Variants in HDAC9 observed in about 807,000 individuals in gnomAD.
HDAC9 encodes histone deacetylase 9, also known as MEF-2 interacting transcription repressor (MITR) protein.
HDAC9 carries 41 observed loss-of-function variants against 139.4 expected under a neutral mutation model. The observed-to-expected ratio is 0.29, with a 90% CI of 0.23 to 0.38. The LOEUF (loss-of-function observed/expected upper bound fraction) is 0.38, where lower values mean the gene tolerates loss of function less well. HDAC9 is among the 10% of genes least tolerant of loss of function. The pLI is 1.00. For synonymous variants in HDAC9, 517 were observed against 476.2 expected, an observed-to-expected ratio of 1.09 and a Z score of -1.12; for missense variants, 1,147 against 1,297.0, an observed-to-expected ratio of 0.88 and a Z score of 1.78.
intron 1 of HDAC9, among the ~76,000 whole-genome samples, chr7:18,138,512 T>TGA (rs796391642): frequency 1.4e-5 from 2 of 138,098 alleles, no homozygotes; most frequent in Admixed American, 7.2e-5. Context: ...GAAGCTGTAG[T>TGA]GAGAGAGAGA....
intron 2 of HDAC9, among the ~76,000 whole-genome samples, chr7:18,513,827 A>G (rs1021287844): frequency 3.9e-5 from 6 of 152,210 alleles, no homozygotes; most frequent in Non-Finnish European, 7.3e-5. Flanking sequence ...TCGCAAGACT[A>G]TGTCTTTCTT....
At chr7:18,137,108 C>T (rs1474634277) in intron 1 of HDAC9, among the ~76,000 whole-genome samples, 2 of 146,664 alleles carry the variant, frequency 1.4e-5, no homozygotes. Flanking sequence ...CTCTGTTTGT[C>T]TGTTATTGGT....
At chr7:18,160,046 A>G (rs757730727) in intron 1 of HDAC9, among the ~76,000 whole-genome samples, 3 of 152,202 alleles carry the variant, frequency 2.0e-5, no homozygotes, top group Non-Finnish European at 4.4e-5. Flanking sequence ...GTTTTTGTGG[A>G]AATAAGTGGG....
chr7:18,541,807 A>G (rs746018848), intron 2 of HDAC9, among the ~76,000 whole-genome samples: 6 of 152,236 alleles, frequency 3.9e-5, no homozygotes. Flanking sequence ...GGAATTTTAG[A>G]TAACAACATA....
chr7:18,918,388 G>A (rs1035819521), intron 22 of HDAC9, among the ~76,000 whole-genome samples: 1 of 152,002 alleles, frequency 6.6e-6, no homozygotes, highest in Non-Finnish European at 1.5e-5. Flanking sequence ...ACTAGGCCAG[G>A]TGAGAAGAGT....
intron 1 of HDAC9, among the ~76,000 whole-genome samples, chr7:18,461,455 G>A (rs1487447097): frequency 1.3e-5 from 2 of 152,014 alleles, no homozygotes; most frequent in Non-Finnish European, 2.9e-5. Flanking sequence ...AAAAGTTTTG[G>A]TCATATCCAA....
chr7:18,586,982 A>C (rs1419544731), intron 3 of HDAC9, among the ~76,000 whole-genome samples: 1 of 152,116 alleles, frequency 6.6e-6, no homozygotes, highest in Non-Finnish European at 1.5e-5. Context: ...TTAAGATGGC[A>C]AAGAGAAATG....
At chr7:18,761,392 G>A (rs544290573) in intron 14 of HDAC9, among the ~76,000 whole-genome samples, 11 of 152,316 alleles carry the variant, frequency 7.2e-5, no homozygotes, top group Admixed American at 2.0e-4. Context: ...TGATTAAACA[G>A]CAGGTTTTGT....
rs1409901149 is a variant in HDAC9, at chr7:19,002,106, A to T, written c.*6044A>T. ...TCTGTCATCCAGAGCTGCTGAGAAA[A>T]ATACATGTTGCCAAACTTTTCTTAA... On this transcript the variant is annotated 3_prime_UTR_variant, in exon 26 of 26. Coordinates refer to ENST00000686413, the MANE Select transcript of HDAC9 (RefSeq NM_178425.4). 1 of 152,104 alleles carries T rather than the reference A, an allele frequency of 6.6e-6. No homozygotes were observed. The highest frequency in any genetic ancestry group is 2.4e-5 in the African/African-American group (1 of 41,448). 9.4% of individuals were successfully genotyped at this position (152,104 alleles called of 1,614,324 possible).
chr7:18,441,303 T>C (rs1791733698), intron 1 of HDAC9, among the ~76,000 whole-genome samples: 1 of 152,224 alleles, frequency 6.6e-6, no homozygotes, highest in Non-Finnish European at 1.5e-5. Flanking sequence ...CATGTCAGCT[T>C]TTATTGTAAT....
intron 23 of HDAC9, among the ~76,000 whole-genome samples, chr7:18,937,926 G>A (rs551485824): frequency 6.6e-6 from 1 of 152,264 alleles, no homozygotes; most frequent in Admixed American, 6.5e-5. Flanking sequence ...CAATGAGGAT[G>A]GAGTGATCTC....
intron 22 of HDAC9, among the ~76,000 whole-genome samples, chr7:18,903,080 C>T (rs1801880864): frequency 2.0e-5 from 3 of 152,118 alleles, no homozygotes; most frequent in Admixed American, 2.0e-4. Context: ...AATTTGAAAA[C>T]AATTTTACAT....
chr7:18,197,571 TGA>T (rs1188783087), intron 2 of HDAC9, among the ~76,000 whole-genome samples: 2 of 152,058 alleles, frequency 1.3e-5, no homozygotes, highest in African/African-American at 4.8e-5. Flanking sequence ...CACAGGTGAA[TGA>T]GAGAGACAAG....
At chr7:18,602,035 T>C (rs1834097856) in intron 6 of HDAC9, among the ~76,000 whole-genome samples, 1 of 152,168 alleles carries the variant, frequency 6.6e-6, no homozygotes, top group African/African-American at 2.4e-5. Context: ...AGAGTATTGA[T>C]ACCATTTACA....
In HDAC9 at chr7:18,975,932, C is replaced by T. The variant is rs1261245056; in HGVS notation, c.3149C>T (p.Pro1050Leu). Residue 1050 changes from proline (P) to leucine (L), a missense_variant, in exon 25 of 26, where the codon CCC becomes CTC. Coordinates refer to ENST00000686413, the MANE Select transcript of HDAC9 (RefSeq NM_178425.4). ...TCCCTAACAGTGGATGTGGAACAGC[C>T]CTTTGCTCAGGAAGACAGCAGGTAT... ...LASLTVDVEQ[P>L]FAQEDSRTAG... The T allele has an allele frequency of 7.4e-6, 12 of 1,613,470 alleles. No individual in the cohort carries two copies. Among genetic ancestry groups the T allele is most frequent in the Non-Finnish European group, 1.0e-5 (12 of 1,179,760 alleles).
chr7:18,469,932 A>G (rs1188798324), intron 1 of HDAC9, among the ~76,000 whole-genome samples: 2 of 152,186 alleles, frequency 1.3e-5, no homozygotes, highest in African/African-American at 2.4e-5. Flanking sequence ...GCAGAGAGGA[A>G]TATAAGGAGC....
Position 18,125,705 on chromosome 7 carries a change from C to A in HDAC9, c.-96-36524C>A, listed in dbSNP as rs546331224. On this transcript the variant is annotated intron_variant, in intron 1 of 12. Coordinates refer to the HDAC9 transcript ENST00000417496. The stretch of plus-strand genomic sequence containing the variant: ...TTTGTGGGCCATATGGTCTGTGTTA[C>A]AACTACTCTGCCCTTGTAGCAGAAA... Among the ~76,000 whole-genome samples, 164 of 152,124 alleles carry A rather than the reference C, an allele frequency of 1.1e-3. 1 individual carries two copies. Among genetic ancestry groups the A allele is most frequent in the Admixed American group, 4.7e-3 (71 of 15,268 alleles).
At chr7:18,119,506 C>G (rs1052088302) in intron 1 of HDAC9, among the ~76,000 whole-genome samples, 2 of 152,180 alleles carry the variant, frequency 1.3e-5, no homozygotes, top group African/African-American at 4.8e-5. Context: ...GAATTTGTCT[C>G]CTGTCTTCTA....
At chr7:18,407,382 G>A (rs1387320448) in intron 1 of HDAC9, among the ~76,000 whole-genome samples, 2 of 152,138 alleles carry the variant, frequency 1.3e-5, no homozygotes, top group African/African-American at 4.8e-5. Context: ...TTAAAATCTT[G>A]TCTCCTTATG....
Sources: gnomAD v4.1 joint callset for allele counts (sites outside exome capture counted in the v4.1 genomes callset) on GRCh38, gnomAD v4.1.1 for gene constraint, MANE v1.5 for transcripts, NCBI Gene and HGNC (gene_info 2026-07-23, HGNC 2026-07-21) for gene names.